Variants in FAT3 observed in about 807,000 individuals in gnomAD.
FAT3 encodes the protein protocadherin Fat 3.
In FAT3, 95 loss-of-function variants were observed where a neutral mutation model predicts 310.2. That is an observed-to-expected ratio of 0.31 (90% CI 0.26 to 0.36). The LOEUF is 0.36. Ranked by LOEUF, FAT3 falls within the 10% of genes least tolerant of loss-of-function variation. The pLI is 1.00. For missense variants in FAT3, 5,408 were observed against 5,715.6 expected, an observed-to-expected ratio of 0.95 and a Z score of 1.74; for synonymous variants, 2,314 against 2,192.9, an observed-to-expected ratio of 1.06 and a Z score of -1.54.
At chr11:92,296,028 T>G (rs1167083117) in intron 1 of FAT3, among the ~76,000 whole-genome samples, 1 of 152,092 alleles carries the variant, frequency 6.6e-6, no homozygotes, top group Non-Finnish European at 1.5e-5. Context: ...AAGCTAAGAC[T>G]AGAGGGAGGA....
At chr11:92,328,821 TG>T (rs1451489791) in intron 1 of FAT3, among the ~76,000 whole-genome samples, 1 of 152,178 alleles carries the variant, frequency 6.6e-6, no homozygotes, top group African/African-American at 2.4e-5. Flanking sequence ...ACAGAGGTGA[TG>T]AATTGTGTGG....
At chr11:92,555,568 C>A (rs1352031220) in intron 3 of FAT3, among the ~76,000 whole-genome samples, 1 of 152,126 alleles carries the variant, frequency 6.6e-6, no homozygotes, top group African/African-American at 2.4e-5. Context: ...TGGTCATTTC[C>A]TTTTCAGCTA....
chr11:92,641,205 C>A (rs1361833247), intron 3 of FAT3, among the ~76,000 whole-genome samples: 1 of 152,050 alleles, frequency 6.6e-6, no homozygotes, highest in Non-Finnish European at 1.5e-5. Context: ...CTACCACACA[C>A]AAAAAATGTT....
At chr11:92,562,975 T>A (rs1265708416) in intron 3 of FAT3, among the ~76,000 whole-genome samples, 5 of 152,186 alleles carry the variant, frequency 3.3e-5, no homozygotes, top group Non-Finnish European at 5.9e-5. Flanking sequence ...TGGGCACCCT[T>A]TAGCCCACTC....
intron 2 of FAT3, among the ~76,000 whole-genome samples, chr11:92,431,455 G>A (rs1950775037): frequency 6.6e-6 from 1 of 152,134 alleles, no homozygotes; most frequent in African/African-American, 2.4e-5. Flanking sequence ...CTCCTATTCT[G>A]TAGGTTGCCT....
chr11:92,762,785 T>C (rs979718909), intron 5 of FAT3, among the ~76,000 whole-genome samples: 2 of 152,076 alleles, frequency 1.3e-5, no homozygotes, highest in African/African-American at 4.8e-5. Context: ...GCCAGTGTGC[T>C]CCCCTGATCC....
rs1053068067 is a variant in FAT3 at position 92,866,894 on chromosome 11, G to C, written c.11812G>C (p.Val3938Leu). Residue 3938 changes from valine to leucine, a missense_variant, in exon 22 of 28, where the codon GTG becomes CTG. Val to Leu is a conservative substitution (Grantham distance 32). Around this residue, in one of 5 missense-constraint regions of FAT3, gnomAD observed 4,588 missense variants for 4,809.8 expected, o/e 0.95. Coordinates refer to ENST00000525166, the MANE Select transcript of FAT3 (RefSeq NM_001367949.2). The stretch of plus-strand genomic sequence containing the variant: ...GAGCCTGTCCCTGGATGACAGCTAC[G>C]TGGAGCGGCGCCGGGCGCCCCTCTA... ...FTSLSLDDSY[V>L]ERRRAPLYFQ... is the part of the protein sequence containing the mutation. The C allele has an allele frequency of 1.9e-6, 3 of 1,614,014 alleles. No homozygotes were observed. The South Asian group carries it at 3.3e-5, about 18-fold the overall frequency.
At chr11:92,656,526 C>A (rs1942589226) in intron 3 of FAT3, among the ~76,000 whole-genome samples, 1 of 152,224 alleles carries the variant, frequency 6.6e-6, no homozygotes, top group African/African-American at 2.4e-5. Context: ...CACAACCAAA[C>A]CACCAGACAC....
At chr11:92,335,593 A>T (rs908770279) in intron 1 of FAT3, among the ~76,000 whole-genome samples, 1 of 152,120 alleles carries the variant, frequency 6.6e-6, no homozygotes, top group Non-Finnish European at 1.5e-5. Context: ...ACATATATAT[A>T]TTTTTTATTT....
chr11:92,550,211 C>T (rs1954760483), intron 3 of FAT3, among the ~76,000 whole-genome samples: 1 of 152,046 alleles, frequency 6.6e-6, no homozygotes, highest in Non-Finnish European at 1.5e-5. Context: ...TTGAGTTCCC[C>T]AAGCAAAATT....
chr11:92,313,934 A>G (rs916412351), intron 1 of FAT3, among the ~76,000 whole-genome samples: 4 of 152,260 alleles, frequency 2.6e-5, no homozygotes, highest in Non-Finnish European at 4.4e-5. Context: ...TCAGCAACAC[A>G]TACATTCTAC....
At chr11:92,402,169 T>A (rs1950029553) in intron 2 of FAT3, among the ~76,000 whole-genome samples, 1 of 152,008 alleles carries the variant, frequency 6.6e-6, no homozygotes, top group Non-Finnish European at 1.5e-5. Flanking sequence ...TAAATGAAAT[T>A]AAAAATTAAA....
intron 14 of FAT3, among the ~76,000 whole-genome samples, 164 bp downstream of exon 14, chr11:92,832,175 T>TA: frequency 6.6e-6 from 1 of 151,960 alleles, no homozygotes; most frequent in East Asian, 1.9e-4. Context: ...TACAAAAATT[T>TA]AAAAAAATAT....
chr11:92,532,766 T>C (rs1247850917), intron 3 of FAT3, among the ~76,000 whole-genome samples: 2 of 152,178 alleles, frequency 1.3e-5, no homozygotes, highest in African/African-American at 2.4e-5. Flanking sequence ...CTTAAGCAGC[T>C]CCAAATCCTG....
chr11:92,331,162 A>G (rs191974514), intron 1 of FAT3, among the ~76,000 whole-genome samples: 167 of 152,298 alleles, frequency 1.1e-3, no homozygotes, highest in African/African-American at 3.6e-3. Context: ...ATTTCAGCCT[A>G]TCTTTAAGAT....
At chr11:92,614,583 G>C (rs1940713450) in intron 3 of FAT3, among the ~76,000 whole-genome samples, 1 of 152,014 alleles carries the variant, frequency 6.6e-6, no homozygotes, top group South Asian at 2.1e-4. Context: ...TTAAGATATA[G>C]CCGCTCATTT....
At chr11:92,703,167 G>GA (rs1053026722) in intron 4 of FAT3, among the ~76,000 whole-genome samples, 5 of 151,948 alleles carry the variant, frequency 3.3e-5, no homozygotes, top group Non-Finnish European at 5.9e-5. Context: ...TTTTCTGAGG[G>GA]AAAAAAATAT....
intron 2 of FAT3, among the ~76,000 whole-genome samples, chr11:92,402,438 A>G (rs906897260): frequency 2.0e-5 from 3 of 152,134 alleles, no homozygotes; most frequent in Admixed American, 6.5e-5. Context: ...ATATTACTCA[A>G]GAATTCTCGG....
At chr11:92,660,178 G>A (rs2135790827) in intron 3 of FAT3, among the ~76,000 whole-genome samples, 1 of 147,508 alleles carries the variant, frequency 6.8e-6, no homozygotes, top group South Asian at 2.2e-4. Context: ...AGCAACATTT[G>A]TTTATTATTT....
Sources: allele counts gnomAD v4.1 joint callset (sites outside exome capture counted in the v4.1 genomes callset), GRCh38; gene constraint gnomAD v4.1.1; regional missense constraint gnomAD v4.1.1; transcripts MANE v1.5; gene names NCBI Gene and HGNC (gene_info 2026-07-23, HGNC 2026-07-21).